Variants in IQCH observed in about 807,000 individuals in gnomAD.
IQCH encodes IQ domain-containing protein H.
In IQCH, 98 loss-of-function variants were observed where a neutral mutation model predicts 117.0. The ratio of observed to expected loss-of-function variants is 0.84; its 90% CI spans 0.71 to 0.99. The LOEUF (loss-of-function observed/expected upper bound fraction) is 0.99, where lower values mean the gene tolerates loss of function less well. Among genes scored for constraint, IQCH ranks in the 50% least tolerant of loss-of-function variants. The probability of loss-of-function intolerance (pLI) is 0.00; values close to 1 mark genes in which losing one functional copy is unlikely to be tolerated. For synonymous variants in IQCH, 412 were observed against 448.2 expected (o/e 0.92, Z 1.02); for missense variants, 1,102 against 1,243.8 (o/e 0.89, Z 1.72).
chr15:67,363,879 C>T (rs1970238587), intron 8 of IQCH, among the ~76,000 whole-genome samples: 3 of 152,226 alleles, frequency 2.0e-5, no homozygotes, highest in Admixed American at 2.0e-4. Flanking sequence ...CTTCAAATAA[C>T]ATGACCTCTT....
intron 4 of IQCH, among the ~76,000 whole-genome samples, chr15:67,329,858 A>G (rs1203482862): frequency 6.6e-6 from 1 of 152,154 alleles, no homozygotes; most frequent in Non-Finnish European, 1.5e-5. Context: ...ATACACATAT[A>G]TAGTGAATTA....
At chr15:67,265,268 G>A (rs1596058719) in intron 3 of IQCH, among the ~76,000 whole-genome samples, 1 of 152,242 alleles carries the variant, frequency 6.6e-6, no homozygotes, top group African/African-American at 2.4e-5. Flanking sequence ...TTCTTACACA[G>A]TTCTCTTTTG....
In IQCH at chr15:67,413,917, T is replaced by G. The variant is rs1376712813; in HGVS notation, c.2098-3014T>G. On this transcript the variant is annotated intron_variant, in intron 14 of 20. Transcript: ENST00000335894. This position sits in a 1 kb window ranked among gnomAD's most constrained non-coding sequence, Gnocchi z 5.0. ...AGCGTCAAAGCAGAATGGCTGGCTT[T>G]GTGATCAGAGGCGGTGGCAGAAGCC... Among the ~76,000 whole-genome samples the G allele has an allele frequency of 9.9e-5, 15 of 152,182 alleles. No individual in the cohort carries two copies. Among genetic ancestry groups the G allele is most frequent in the Non-Finnish European group, 2.9e-5 (2 of 68,038 alleles).
intron 6 of IQCH, among the ~76,000 whole-genome samples, chr15:67,353,759 AAGGTCACTT>A (rs1253360321): frequency 6.6e-6 from 1 of 152,226 alleles, no homozygotes. Context: ...AAAATGAAAA[AAGGTCACTT>A]AACTATAGAT....
chr15:67,493,266 A>C lies in IQCH; in HGVS notation c.2862-992A>C, dbSNP rs2083710381. Among the ~76,000 whole-genome samples, 1 of 152,178 alleles carries C rather than the reference A, an allele frequency of 6.6e-6. No homozygotes were observed. Among genetic ancestry groups the C allele is most frequent in the Non-Finnish European group, 1.5e-5 (1 of 68,020 alleles). On this transcript the variant is annotated intron_variant, in intron 19 of 20. Coordinates refer to ENST00000335894, the MANE Select transcript of IQCH (RefSeq NM_001031715.3). The surrounding 1 kb of genome is among the most constrained non-coding windows in gnomAD (Gnocchi z 5.1). ...TCATAGATGGGAAACTGAGGCTTAGAGAGGGGCAATGATTTGCCTGGGTCA... is the reference window on the plus strand; with the variant it reads ...TCATAGATGGGAAACTGAGGCTTAGCGAGGGGCAATGATTTGCCTGGGTCA...
In IQCH at chr15:67,393,509, A is replaced by G. The variant is rs946147167; in HGVS notation, c.1633-1782A>G. On this transcript the variant is annotated intron_variant, in intron 12 of 20. Coordinates refer to ENST00000335894, the MANE Select transcript of IQCH (RefSeq NM_001031715.3). The surrounding 1 kb of genome is among the most constrained non-coding windows in gnomAD (Gnocchi z 5.5). Reference sequence around the variant, plus strand: ...CATTATATTATTTGCATAACATTTTAATGACTTTATTTTTATTTTTTATTT... The same window carrying G: ...CATTATATTATTTGCATAACATTTTGATGACTTTATTTTTATTTTTTATTT... Among the ~76,000 whole-genome samples, 2 of 151,982 alleles carry G rather than the reference A, an allele frequency of 1.3e-5. No homozygotes were observed. The highest frequency in any genetic ancestry group is 2.9e-5 in the Non-Finnish European group (2 of 67,968).
chr15:67,328,409 G>A (rs185051855), intron 4 of IQCH, among the ~76,000 whole-genome samples: 176 of 152,174 alleles, frequency 1.2e-3, no homozygotes, highest in Non-Finnish European at 1.3e-3. Flanking sequence ...AATTAAATGA[G>A]TTTTGAATTG....
At chr15:67,489,559 T>TC (rs1418018051) in intron 18 of IQCH, among the ~76,000 whole-genome samples, 2 of 152,138 alleles carry the variant, frequency 1.3e-5, no homozygotes, top group African/African-American at 4.8e-5. Flanking sequence ...CAAGCGATTC[T>TC]CCCGCCTCAG....
At chr15:67,437,213 T>C (rs927925341) in intron 16 of IQCH, among the ~76,000 whole-genome samples, 2 of 152,058 alleles carry the variant, frequency 1.3e-5, no homozygotes, top group African/African-American at 2.4e-5. Flanking sequence ...CCATATAATA[T>C]ATGGTTCACA....
At chr15:67,324,804 T>C (rs1301115487) in intron 4 of IQCH, among the ~76,000 whole-genome samples, 1 of 152,082 alleles carries the variant, frequency 6.6e-6, no homozygotes, top group Non-Finnish European at 1.5e-5. Context: ...GTGGGTATAA[T>C]GGATCTTTTT....
intron 4 of IQCH, among the ~76,000 whole-genome samples, chr15:67,297,216 A>C (rs1313854680): frequency 6.6e-6 from 1 of 152,194 alleles, no homozygotes; most frequent in Non-Finnish European, 1.5e-5. Context: ...ATAATAAAAT[A>C]ATGAACAATT....
At chr15:67,314,813 T>C (rs1190449980) in intron 4 of IQCH, among the ~76,000 whole-genome samples, 2 of 152,248 alleles carry the variant, frequency 1.3e-5, no homozygotes, top group African/African-American at 4.8e-5. Context: ...TGAAATCTAA[T>C]TTTTAAATGT....
chr15:67,471,652 G>A (rs960650604), intron 17 of IQCH, among the ~76,000 whole-genome samples: 4 of 152,182 alleles, frequency 2.6e-5, no homozygotes, highest in African/African-American at 9.7e-5. Context: ...CCTTATCTTT[G>A]AAACTATTTA....
chr15:67,420,513 A>G (rs2081708603), intron 15 of IQCH, among the ~76,000 whole-genome samples: 1 of 152,202 alleles, frequency 6.6e-6, no homozygotes, highest in African/African-American at 2.4e-5. Flanking sequence ...CAAAGAGGAC[A>G]TATACAGTAA....
At chr15:67,495,658 A>T (rs1451644908) in intron 20 of IQCH, among the ~76,000 whole-genome samples, 1 of 152,242 alleles carries the variant, frequency 6.6e-6, no homozygotes, top group Non-Finnish European at 1.5e-5. Context: ...CATTCAGACT[A>T]AGTTGATTCT....
rs1373578980 is a variant in IQCH, at chr15:67,500,286, G to A, written c.2971-347G>A. ...ATAAGGAAACTATTTGTTTTGTTTT[G>A]ATTTTATCTGACTATCATGGATCAA... On this transcript the variant is annotated intron_variant, in intron 20 of 20. Transcript: ENST00000335894. This position sits in a 1 kb window ranked among gnomAD's most constrained non-coding sequence, Gnocchi z 4.4. Among the ~76,000 whole-genome samples, 1 of 151,950 alleles carries A rather than the reference G, an allele frequency of 6.6e-6. No individual in the cohort carries two copies. The highest frequency in any genetic ancestry group is 2.4e-5 in the African/African-American group (1 of 41,352).
intron 13 of IQCH, among the ~76,000 whole-genome samples, chr15:67,397,432 A>T (rs1567154294): frequency 6.6e-6 from 1 of 152,250 alleles, no homozygotes; most frequent in Non-Finnish European, 1.5e-5. Flanking sequence ...TATAACAATA[A>T]ACCAATATTT....
Position 67,494,435 on chromosome 15 carries a change from T to TTGTAAACAAGTG in IQCH, c.2970+70_2970+81dup, listed in dbSNP as rs1647124986. ...AGGGCTGAAAATACCTCATGCTGTA[T>TTGTAAACAAGTG]TGTAAACAAGTGCTAAACCATCTTT... On this transcript the variant is annotated intron_variant, in intron 20 of 20. Coordinates refer to ENST00000335894, the MANE Select transcript of IQCH (RefSeq NM_001031715.3). The surrounding 1 kb of genome is among the most constrained non-coding windows in gnomAD (Gnocchi z 5.5). The TTGTAAACAAGTG allele has an allele frequency of 9.4e-7, 1 of 1,062,440 alleles. No homozygotes were observed. The highest frequency in any genetic ancestry group is 1.6e-5 in the African/African-American group (1 of 64,114). The allele number at this position is 1,062,440 out of a possible 1,614,324, so 65.8% of individuals were successfully genotyped here.
rs745932304 is a variant in IQCH, at chr15:67,336,981, G to A, written c.394G>A (p.Val132Ile). The change falls in exon 5 of 21, where the codon GTT becomes ATT. Residue 132 changes from valine to isoleucine, a missense_variant. Physicochemically the swap from Val to Ile is conservative, Grantham distance 29. Transcript: ENST00000335894. Reference sequence around the variant, plus strand: ...CAAATTTTTTATTATCTAGATAAAGGTTTCGAAGTTAATCAAAGGGTCTAA... The same window carrying A: ...CAAATTTTTTATTATCTAGATAAAGATTTCGAAGTTAATCAAAGGGTCTAA... ...LPVFPRAKIK[V>I]SKLIKGSNIS... is the part of the protein sequence containing the mutation. 3 of 1,613,200 alleles carry A rather than the reference G, an allele frequency of 1.9e-6. No individual in the cohort carries two copies. Among genetic ancestry groups the A allele is most frequent in the South Asian group, 1.1e-5 (1 of 91,016 alleles).
Sources: gnomAD v4.1 joint callset for allele counts (sites outside exome capture counted in the v4.1 genomes callset) on GRCh38, gnomAD v4.1.1 for gene constraint, Gnocchi (gnomAD v3.1) non-coding constraint, MANE v1.5 for transcripts, NCBI Gene and HGNC (gene_info 2026-07-23, HGNC 2026-07-21) for gene names.